The following SPTBN1 variants were observed in gnomAD, a reference collection of about 807,000 sequenced individuals.
SPTBN1 encodes spectrin beta chain, non-erythrocytic 1.
In SPTBN1, 32 loss-of-function variants were observed where a neutral mutation model predicts 266.4. The observed-to-expected ratio is 0.12, with a 90% CI of 0.09 to 0.16. The LOEUF (loss-of-function observed/expected upper bound fraction) is 0.16. Ranked by LOEUF, SPTBN1 falls within the 10% of genes least tolerant of loss-of-function variation. The probability of loss-of-function intolerance (pLI) is 1.00; values close to 1 mark genes in which losing one functional copy is unlikely to be tolerated. For missense variants in SPTBN1, 2,296 were observed against 3,067.1 expected (o/e 0.75, Z 5.94); for synonymous variants, 1,336 against 1,162.2 (o/e 1.15, Z -3.04).
intron 2 of SPTBN1, among the ~76,000 whole-genome samples, chr2:54,550,082 G>A (rs530271462): frequency 6.6e-6 from 1 of 152,290 alleles, no homozygotes; most frequent in South Asian, 2.1e-4. Context: ...CTTTGATCCT[G>A]CCAGAAATTA....
At chr2:54,597,339 T>C (rs751799394) in intron 2 of SPTBN1, among the ~76,000 whole-genome samples, 40 of 152,222 alleles carry the variant, frequency 2.6e-4, no homozygotes, top group Non-Finnish European at 5.1e-4. Flanking sequence ...GATTACGTGA[T>C]CAATAATGCA....
chr2:54,595,206 C>T (rs1319771634), intron 2 of SPTBN1, among the ~76,000 whole-genome samples: 1 of 152,230 alleles, frequency 6.6e-6, no homozygotes, highest in Non-Finnish European at 1.5e-5. Flanking sequence ...AGAGCAGTTA[C>T]AACACTCTGG....
At chr2:54,638,002 C>G (rs1194834185) in intron 18 of SPTBN1, among the ~76,000 whole-genome samples, 199 bp downstream of exon 18, 2 of 152,198 alleles carry the variant, frequency 1.3e-5, no homozygotes, top group African/African-American at 4.8e-5. Context: ...TCATTATAAT[C>G]TAGACTATTA....
At chr2:54,598,248 C>G (rs1461089836) in intron 2 of SPTBN1, among the ~76,000 whole-genome samples, 1 of 152,190 alleles carries the variant, frequency 6.6e-6, no homozygotes, top group Non-Finnish European at 1.5e-5. Flanking sequence ...GAATGTACAA[C>G]AATCACGCTT....
intron 29 of SPTBN1, 23 bp from the exon 30 acceptor site, chr2:54,657,827 C>T: frequency 6.2e-7 from 1 of 1,613,946 alleles, no homozygotes; most frequent in Non-Finnish European, 8.5e-7. Context: ...TCAACGTGTA[C>T]TAACTCATGG....
chr2:54,545,877 A>AT (rs892821363), intron 2 of SPTBN1, among the ~76,000 whole-genome samples: 2 of 151,876 alleles, frequency 1.3e-5, no homozygotes, highest in African/African-American at 2.4e-5. Flanking sequence ...AAGTTTTGGC[A>AT]TTTTTTTCCT....
chr2:54,670,210 G>GAAA lies in SPTBN1; in HGVS notation c.*1651_*1653dup. 1 of 140,844 alleles carries GAAA rather than the reference G, an allele frequency of 7.1e-6. No individual in the cohort carries two copies. The allele number at this position is 140,844 out of a possible 1,614,324, so 8.7% of individuals were successfully genotyped here. On this transcript the variant is annotated 3_prime_UTR_variant, in exon 36 of 36. Transcript: ENST00000356805. ...TTTATACAGATCAGACCAAAAAGAA[G>GAAA]AAAAAAAAAAAACAGGCAAGAGGTT...
chr2:54,537,171 G>T (rs1002137973), intron 2 of SPTBN1, among the ~76,000 whole-genome samples: 1 of 152,190 alleles, frequency 6.6e-6, no homozygotes, highest in African/African-American at 2.4e-5. Flanking sequence ...CTCATTCATT[G>T]GAACCCTCTG....
chr2:54,646,550 GCT>G lies in SPTBN1; in HGVS notation c.4866+78_4866+79del. On this transcript the variant is annotated intron_variant, in intron 23 of 35. Coordinates refer to ENST00000356805, the MANE Select transcript of SPTBN1 (RefSeq NM_003128.3). The surrounding 1 kb of genome is among the most constrained non-coding windows in gnomAD (Gnocchi z 4.4). ...ACCCTGGGCACACTTTCTGCTGGCG[GCT>G]CTGTCTGTATAAAAACTTCCCTTGT... 1.4e-6 allele frequency: 2 copies of G among 1,416,876 alleles called. No individual in the cohort carries two copies. The highest frequency in any genetic ancestry group is 1.8e-6 in the Non-Finnish European group (2 of 1,083,930). The allele number at this position is 1,416,876 out of a possible 1,614,324, so 87.8% of individuals were successfully genotyped here.
At chr2:54,556,161 T>A (rs907472258) in intron 2 of SPTBN1, among the ~76,000 whole-genome samples, 4 of 152,260 alleles carry the variant, frequency 2.6e-5, no homozygotes, top group Non-Finnish European at 5.9e-5. Flanking sequence ...TCCCCACTTC[T>A]GAACTGGAGG....
At chr2:54,456,623 C>G (rs887560250) in intron 1 of SPTBN1, 105 bp downstream of exon 1, 1 of 151,392 alleles carries the variant, frequency 6.6e-6, no homozygotes. Flanking sequence ...GGCCCAGGGC[C>G]GGAGGACGCC....
At chr2:54,612,052 C>A (rs754504173) in intron 3 of SPTBN1, 109 bp from the exon 4 acceptor site, 3 of 1,093,094 alleles carry the variant, frequency 2.7e-6, no homozygotes, top group Non-Finnish European at 3.9e-6. Context: ...ATGTTCTGCT[C>A]TGAGCGGGAG....
chr2:54,476,087 G>T (rs1383456024), intron 1 of SPTBN1, among the ~76,000 whole-genome samples: 6 of 151,906 alleles, frequency 3.9e-5, no homozygotes, highest in Non-Finnish European at 5.9e-5. Flanking sequence ...TTAGGCTGGT[G>T]CTGCAGTAAC....
Position 54,630,842 on chromosome 2 carries a change from C to G in SPTBN1, c.2808-13C>G. The G allele has an allele frequency of 4.5e-6, 7 of 1,559,718 alleles. No homozygotes were observed. Among genetic ancestry groups the G allele is most frequent in the Non-Finnish European group, 6.1e-6 (7 of 1,150,956 alleles). On this transcript the variant is annotated splice_polypyrimidine_tract_variant and intron_variant, in intron 15 of 35. Transcript: ENST00000356805. ...CCCTTTTTCACACTCGCTGTCTGCC[C>G]CTGCACTCACAGGTGGAGCCAGTTC... is the stretch of plus-strand genomic sequence containing the variant.
At position 54,533,349 on chromosome 2, in the gene SPTBN1, AGT is replaced by A. The variant is rs56027497; in HGVS notation, c.148+6828_148+6829del. On this transcript the variant is annotated intron_variant, in intron 2 of 35. Transcript: ENST00000356805. The surrounding 1 kb of genome is among the most constrained non-coding windows in gnomAD (Gnocchi z 4.2). ...AGTGAAACCCAGGCTAAAGGGGACTAGTGTGTGTGTGTGTGTGTGTGTGTGTG... is the reference window on the plus strand; with the variant it reads ...AGTGAAACCCAGGCTAAAGGGGACTAGTGTGTGTGTGTGTGTGTGTGTGTG... 0.1 allele frequency among the ~76,000 whole-genome samples: 14,179 copies of A among 141,682 alleles called. 701 individuals are homozygous for A. The highest frequency in any genetic ancestry group is 0.17 in the East Asian group (802 of 4,758). 92.9% of individuals were successfully genotyped at this position (141,682 alleles called of 152,430 possible).
At chr2:54,585,125 T>TTTCA (rs1228414715) in intron 2 of SPTBN1, among the ~76,000 whole-genome samples, 23 of 152,238 alleles carry the variant, frequency 1.5e-4, no homozygotes, top group Admixed American at 1.4e-3. Flanking sequence ...AACTTTCCTT[T>TTTCA]TTCATTTGAA....
chr2:54,482,838 T>A (rs1026510560), intron 1 of SPTBN1, among the ~76,000 whole-genome samples: 1 of 152,188 alleles, frequency 6.6e-6, no homozygotes, highest in Non-Finnish European at 1.5e-5. Context: ...TTGGAATAAG[T>A]AATCCCACAG....
rs1671386719 is a variant in SPTBN1, at chr2:54,533,367, TGTGTG to T, written c.148+6802_148+6806del. ...GGGGACTAGTGTGTGTGTGTGTGTG[TGTGTG>T]TGTGTGTGTGTGTGTGTGTGTGTCT... On this transcript the variant is annotated intron_variant, in intron 2 of 35. Transcript: ENST00000356805. The surrounding 1 kb of genome is among the most constrained non-coding windows in gnomAD (Gnocchi z 4.2). Among the ~76,000 whole-genome samples, 1 of 144,812 alleles carries T rather than the reference TGTGTG, an allele frequency of 6.9e-6. No individual in the cohort carries two copies. The highest frequency in any genetic ancestry group is 2.5e-5 in the African/African-American group (1 of 40,572).
intron 2 of SPTBN1, among the ~76,000 whole-genome samples, chr2:54,567,639 G>A (rs1303195532): frequency 2.0e-5 from 3 of 152,176 alleles, no homozygotes; most frequent in Admixed American, 6.5e-5. Flanking sequence ...TTGTGGTGAA[G>A]TCAAGGCCTT....
Sources: allele counts gnomAD v4.1 joint callset (sites outside exome capture counted in the v4.1 genomes callset), GRCh38; gene constraint gnomAD v4.1.1; non-coding constraint Gnocchi (gnomAD v3.1); transcripts MANE v1.5; gene names NCBI Gene and HGNC (gene_info 2026-07-23, HGNC 2026-07-21).